The following YEATS2 variants were observed in gnomAD, a reference collection of about 807,000 sequenced individuals.
YEATS2 encodes the protein YEATS domain containing 2, also known as YEATS domain-containing protein 2.
In YEATS2, 77 loss-of-function variants were observed where a neutral mutation model predicts 163.2. That is an observed-to-expected ratio of 0.47 (90% confidence interval 0.39 to 0.57). The LOEUF is 0.57. Among genes scored for constraint, YEATS2 ranks in the 20% least tolerant of loss-of-function variants. YEATS2 has a pLI of 0.00. For missense variants in YEATS2, 1,549 were observed against 1,729.8 expected, an observed-to-expected ratio of 0.90 and a Z score of 1.85; for synonymous variants, 631 against 645.1, an observed-to-expected ratio of 0.98 and a Z score of 0.33.
intron 13 of YEATS2, among the ~76,000 whole-genome samples, chr3:183,760,002 A>T (rs1026267300): frequency 6.6e-6 from 1 of 152,152 alleles, no homozygotes. Context: ...TCCAAATATG[A>T]TCTGACCTGT....
At chr3:183,708,449 G>T (rs1204218514) in intron 1 of YEATS2, among the ~76,000 whole-genome samples, 2 of 152,102 alleles carry the variant, frequency 1.3e-5, no homozygotes, top group Non-Finnish European at 2.9e-5. Flanking sequence ...CATCTTCCCT[G>T]ACTCGAGAGC....
chr3:183,700,875 A>G (rs771719862), intron 1 of YEATS2, among the ~76,000 whole-genome samples: 2 of 151,528 alleles, frequency 1.3e-5, no homozygotes, highest in African/African-American at 2.4e-5. Flanking sequence ...CACAAAAAGT[A>G]GTTGCCAGGG....
At position 183,798,940 on chromosome 3, in the gene YEATS2, T is replaced by TGCA. The variant is rs1725414084; in HGVS notation, c.3278_3279insAGC (p.Ala1093dup). 1.2e-6 allele frequency: 2 copies of TGCA among 1,614,094 alleles called. No homozygotes were observed. Among genetic ancestry groups the TGCA allele is most frequent in the Non-Finnish European group, 1.7e-6 (2 of 1,180,038 alleles). On this transcript the variant is annotated inframe_insertion, in exon 23 of 31. Transcript: ENST00000305135. ...AGCCACCTGCCATTCTGCCTGTAGC[T>TGCA]GCCCCAACTCCAGTTGTCCCCAGCT...
intron 6 of YEATS2, among the ~76,000 whole-genome samples, chr3:183,726,700 G>A (rs1717136850): frequency 6.6e-6 from 1 of 152,034 alleles, no homozygotes; most frequent in Non-Finnish European, 1.5e-5. Context: ...CTATCTCTTT[G>A]TGATTTTTAT....
At position 183,810,532 on chromosome 3, in the gene YEATS2, T is replaced by C; in HGVS notation, c.4218T>C (p.Phe1406=). 2 of 1,614,218 alleles carry C rather than the reference T, an allele frequency of 1.2e-6. No individual in the cohort carries two copies. Among genetic ancestry groups the C allele is most frequent in the Non-Finnish European group, 1.7e-6 (2 of 1,180,038 alleles). The change falls in exon 31 of 31, where the codon TTT becomes TTC. Residue 1406 remains phenylalanine, a synonymous_variant. Coordinates refer to ENST00000305135, the MANE Select transcript of YEATS2 (RefSeq NM_018023.5). ...ACCAGGCCATTTGCAACATTCCTTT[T>C]CTGGACTTCCTCACAAACAAACACA... ...NIHQAICNIP[F]LDFLTNKHMG... is the part of the protein sequence containing the mutation.
chr3:183,745,335 C>T (rs767753511), intron 8 of YEATS2, among the ~76,000 whole-genome samples: 4 of 152,224 alleles, frequency 2.6e-5, no homozygotes, highest in Non-Finnish European at 1.5e-5. Context: ...ATGCCCCCAC[C>T]TGCTCTCAGG....
intron 21 of YEATS2, 71 bp downstream of exon 21, chr3:183,791,051 T>A: frequency 1.3e-6 from 2 of 1,559,194 alleles, no homozygotes. Context: ...TTTGTTTGTT[T>A]GAGATAGCGT....
intron 13 of YEATS2, among the ~76,000 whole-genome samples, chr3:183,759,897 T>A (rs552897429): frequency 6.6e-6 from 1 of 152,350 alleles, no homozygotes; most frequent in South Asian, 2.1e-4. Flanking sequence ...TTTCCATGTG[T>A]TAACCGTTTA....
At chr3:183,722,210 T>C (rs1411562363) in intron 5 of YEATS2, 74 bp downstream of exon 5, 1 of 1,497,370 alleles carries the variant, frequency 6.7e-7, no homozygotes, top group East Asian at 2.3e-5. Context: ...GCGCTTGTTA[T>C]CTCACTGAAC....
chr3:183,710,403 C>G (rs1312950540), intron 1 of YEATS2, among the ~76,000 whole-genome samples: 1 of 152,182 alleles, frequency 6.6e-6, no homozygotes, highest in South Asian at 2.1e-4. Context: ...CAGTTACTTG[C>G]ATGTGACATG....
chr3:183,739,118 C>G (rs1470026820), intron 8 of YEATS2, among the ~76,000 whole-genome samples: 1 of 151,916 alleles, frequency 6.6e-6, no homozygotes, highest in Non-Finnish European at 1.5e-5. Flanking sequence ...GATGATATCT[C>G]ATAGTGGTTT....
chr3:183,809,063 G>A, intron 29 of YEATS2, 34 bp from the exon 30 acceptor site: 2 of 1,610,734 alleles, frequency 1.2e-6, no homozygotes, highest in Admixed American at 1.7e-5. Flanking sequence ...CAAGCAGATG[G>A]CCATTTGAAG....
intron 1 of YEATS2, among the ~76,000 whole-genome samples, chr3:183,703,615 G>A (rs1183764681): frequency 6.6e-6 from 1 of 152,156 alleles, no homozygotes; most frequent in African/African-American, 2.4e-5. Flanking sequence ...TAAGAGTAAT[G>A]TTTAAATAGG....
intron 7 of YEATS2, among the ~76,000 whole-genome samples, chr3:183,729,736 C>T (rs1448231798): frequency 3.3e-5 from 5 of 151,462 alleles, no homozygotes; most frequent in Non-Finnish European, 7.4e-5. Flanking sequence ...CAGTGGTGTG[C>T]TGTTGGCTCA....
In YEATS2 at chr3:183,811,829, CAG is replaced by C. The variant is rs1726828186; in HGVS notation, c.*1249_*1250del. On this transcript the variant is annotated 3_prime_UTR_variant, in exon 31 of 31. Coordinates refer to ENST00000305135, the MANE Select transcript of YEATS2 (RefSeq NM_018023.5). The stretch of plus-strand genomic sequence containing the variant: ...CCAGGAAAATCGGAAACCTGTGAGT[CAG>C]AGTCAGAGAAACTTACCCAAGCAAC... The C allele has an allele frequency of 6.6e-6, 1 of 152,242 alleles. No homozygotes were observed. Among genetic ancestry groups the C allele is most frequent in the Non-Finnish European group, 1.5e-5 (1 of 68,072 alleles). The allele number at this position is 152,242 out of a possible 1,614,324, so 9.4% of individuals were successfully genotyped here. A position where few individuals can be genotyped will look rare whatever the true frequency, so the allele number is the denominator to read the frequency against.
At chr3:183,801,557 G>A (rs1385717715) in intron 25 of YEATS2, 29 bp downstream of exon 25, 3 of 1,540,662 alleles carry the variant, frequency 1.9e-6, no homozygotes, top group East Asian at 2.3e-5. Context: ...ATATAGGGGT[G>A]CATTTTTGAA....
chr3:183,772,660 A>C, intron 16 of YEATS2, 97 bp downstream of exon 16: 1 of 1,479,294 alleles, frequency 6.8e-7, no homozygotes, highest in Non-Finnish European at 9.2e-7. Flanking sequence ...GGTCTAGGAA[A>C]GCCTAGTTAG....
chr3:183,747,473 T>G (rs1213301541), intron 8 of YEATS2, among the ~76,000 whole-genome samples, 199 bp from the exon 9 acceptor site: 1 of 152,106 alleles, frequency 6.6e-6, no homozygotes, highest in Non-Finnish European at 1.5e-5. Flanking sequence ...ATATTAAAAA[T>G]ATAGTAACTA....
chr3:183,758,504 AG>A (rs1303937210), intron 12 of YEATS2, among the ~76,000 whole-genome samples: 3 of 152,216 alleles, frequency 2.0e-5, no homozygotes, highest in African/African-American at 7.2e-5. Flanking sequence ...TTGTATGAGG[AG>A]TAGAACATAC....
Sources: allele counts gnomAD v4.1 joint callset (sites outside exome capture counted in the v4.1 genomes callset), GRCh38; gene constraint gnomAD v4.1.1; transcripts MANE v1.5; gene names NCBI Gene and HGNC (gene_info 2026-07-23, HGNC 2026-07-21).